NCAM2: variants seen among roughly 807,000 people sequenced by gnomAD.
The protein encoded by NCAM2 is neural cell adhesion molecule 2, also known as N-CAM-2.
Under a neutral mutation model 98.1 loss-of-function variants are expected in NCAM2, and 30 were observed. The observed-to-expected ratio is 0.31, with a 90% CI of 0.23 to 0.41. The LOEUF (loss-of-function observed/expected upper bound fraction) is 0.41. Among genes scored for constraint, NCAM2 ranks in the 10% least tolerant of loss-of-function variants. The probability of loss-of-function intolerance (pLI) is 1.00; values close to 1 mark genes in which losing one functional copy is unlikely to be tolerated. For synonymous variants in NCAM2, 368 were observed against 342.4 expected (o/e 1.07, Z -0.83); for missense variants, 867 against 1,005.8 (o/e 0.86, Z 1.87).
At chr21:21,158,472 G>A (rs560793641) in intron 1 of NCAM2, among the ~76,000 whole-genome samples, 9 of 152,150 alleles carry the variant, frequency 5.9e-5, no homozygotes, top group Non-Finnish European at 1.0e-4. Context: ...TTAGCTGGGC[G>A]TTGTGGCACG....
intron 1 of NCAM2, among the ~76,000 whole-genome samples, chr21:21,001,916 T>C (rs1480880396): frequency 1.3e-5 from 2 of 152,160 alleles, no homozygotes; most frequent in African/African-American, 4.8e-5. Flanking sequence ...CTTCTAAAAA[T>C]AGAGCACAGG....
chr21:21,534,262 G>A (rs576822921), intron 16 of NCAM2, among the ~76,000 whole-genome samples: 1 of 151,832 alleles, frequency 6.6e-6, no homozygotes, highest in African/African-American at 2.4e-5. Flanking sequence ...ATATACAGTA[G>A]GATTTTAAAA....
chr21:21,188,180 TA>T (rs1336344064), intron 1 of NCAM2, among the ~76,000 whole-genome samples: 1 of 152,096 alleles, frequency 6.6e-6, no homozygotes, highest in Non-Finnish European at 1.5e-5. Flanking sequence ...GAAGTACAAG[TA>T]AGGGACTGGG....
intron 1 of NCAM2, among the ~76,000 whole-genome samples, chr21:21,022,992 A>G (rs769052641): frequency 2.6e-5 from 4 of 152,226 alleles, no homozygotes; most frequent in Non-Finnish European, 5.9e-5. Context: ...GTTAATATTT[A>G]TAGTCTAAAA....
At chr21:21,524,403 A>G (rs1989203466) in intron 16 of NCAM2, among the ~76,000 whole-genome samples, 1 of 149,780 alleles carries the variant, frequency 6.7e-6, no homozygotes, top group African/African-American at 2.5e-5. Context: ...CTGCCCTATA[A>G]GGAACTCATT....
At chr21:21,353,798 A>G (rs992191178) in intron 8 of NCAM2, among the ~76,000 whole-genome samples, 18 of 152,222 alleles carry the variant, frequency 1.2e-4, no homozygotes, top group African/African-American at 4.3e-4. Flanking sequence ...AGATTCTTCA[A>G]CATTCTAAGA....
intron 11 of NCAM2, among the ~76,000 whole-genome samples, chr21:21,419,398 TG>T (rs2077065103): frequency 6.7e-6 from 1 of 150,016 alleles, no homozygotes; most frequent in African/African-American, 2.5e-5. Context: ...TTAGGGTACA[TG>T]TACACAATTT....
intron 9 of NCAM2, among the ~76,000 whole-genome samples, chr21:21,399,097 T>C (rs1254042870): frequency 6.6e-6 from 1 of 152,122 alleles, no homozygotes; most frequent in African/African-American, 2.4e-5. Context: ...GAGGATCCAA[T>C]GGGGTTGGAA....
At chr21:21,007,190 A>G (rs529411583) in intron 1 of NCAM2, among the ~76,000 whole-genome samples, 2 of 152,300 alleles carry the variant, frequency 1.3e-5, no homozygotes, top group Non-Finnish European at 2.9e-5. Context: ...AATAGGTCCC[A>G]ATGTAAGAAA....
intron 1 of NCAM2, among the ~76,000 whole-genome samples, chr21:21,199,752 TA>T (rs527347718): frequency 1.0e-3 from 157 of 152,304 alleles, no homozygotes; most frequent in African/African-American, 3.6e-3. Context: ...TGTCAGTTTG[TA>T]AAAACTTTAT....
At chr21:21,465,633 A>T (rs1447605831) in intron 12 of NCAM2, among the ~76,000 whole-genome samples, 1 of 151,914 alleles carries the variant, frequency 6.6e-6, no homozygotes, top group Non-Finnish European at 1.5e-5. Context: ...GGTTTATGTA[A>T]AACTATAGTT....
intron 16 of NCAM2, among the ~76,000 whole-genome samples, chr21:21,514,509 G>A (rs1358682115): frequency 2.7e-5 from 4 of 150,284 alleles, no homozygotes; most frequent in African/African-American, 9.8e-5. Context: ...GTTTTCTCTG[G>A]TGAACAGAAG....
chr21:21,492,505 T>G (rs1299664300), intron 15 of NCAM2, among the ~76,000 whole-genome samples: 3 of 151,916 alleles, frequency 2.0e-5, no homozygotes, highest in African/African-American at 7.2e-5. Flanking sequence ...CACATTAAGT[T>G]TATGGTTTTA....
At chr21:21,282,057 A>G (rs1282653890) in intron 2 of NCAM2, among the ~76,000 whole-genome samples, 1 of 151,910 alleles carries the variant, frequency 6.6e-6, no homozygotes, top group Non-Finnish European at 1.5e-5. Context: ...GACAAATGAA[A>G]AAATCAGAGA....
At chr21:21,023,124 T>C (rs1186106079) in intron 1 of NCAM2, among the ~76,000 whole-genome samples, 1 of 152,218 alleles carries the variant, frequency 6.6e-6, no homozygotes, top group Non-Finnish European at 1.5e-5. Flanking sequence ...CTGGCTGTTT[T>C]ACTCCATTGA....
chr21:21,167,566 A>G (rs2067991739), intron 1 of NCAM2, among the ~76,000 whole-genome samples: 1 of 152,122 alleles, frequency 6.6e-6, no homozygotes, highest in Non-Finnish European at 1.5e-5. Context: ...AGATTGACAA[A>G]CTTCGTTCCA....
chr21:21,081,203 A>G (rs1431088829), intron 1 of NCAM2, among the ~76,000 whole-genome samples: 1 of 152,006 alleles, frequency 6.6e-6, no homozygotes, highest in East Asian at 1.9e-4. Context: ...GAATGCTCCT[A>G]GGAGGTCATT....
intron 16 of NCAM2, among the ~76,000 whole-genome samples, chr21:21,523,134 A>C (rs186278082): frequency 6.6e-6 from 1 of 152,216 alleles, no homozygotes; most frequent in East Asian, 1.9e-4. Flanking sequence ...CCTATTCTGC[A>C]AGTTGTCTCT....
intron 1 of NCAM2, among the ~76,000 whole-genome samples, chr21:21,199,808 T>A (rs998005737): frequency 2.6e-5 from 4 of 152,112 alleles, no homozygotes; most frequent in African/African-American, 9.7e-5. Context: ...ATGGCATTCT[T>A]ATACTTATGA....
Sources: gnomAD v4.1 joint callset for allele counts (sites outside exome capture counted in the v4.1 genomes callset) on GRCh38, gnomAD v4.1.1 for gene constraint, MANE v1.5 for transcripts, NCBI Gene and HGNC (gene_info 2026-07-23, HGNC 2026-07-21) for gene names.